KIAA0232: variants seen among roughly 807,000 people sequenced by gnomAD.
The protein encoded by KIAA0232 is KIAA0232.
In KIAA0232, 27 loss-of-function variants were observed where a neutral mutation model predicts 122.0. The ratio of observed to expected loss-of-function variants is 0.22; its 90% CI spans 0.16 to 0.31. The LOEUF (loss-of-function observed/expected upper bound fraction) is 0.31. Ranked by LOEUF, KIAA0232 falls within the 10% of genes least tolerant of loss-of-function variation. The pLI is 1.00. For synonymous variants in KIAA0232, 613 were observed against 587.6 expected (o/e 1.04, Z -0.63); for missense variants, 1,551 against 1,634.2 (o/e 0.95, Z 0.88).
At chr4:6,807,509 T>C (rs898250278) in intron 2 of KIAA0232, among the ~76,000 whole-genome samples, 5 of 152,218 alleles carry the variant, frequency 3.3e-5, no homozygotes, top group Non-Finnish European at 7.3e-5. Flanking sequence ...AAAAGCCTTA[T>C]TCATTTCCTG....
intron 2 of KIAA0232, among the ~76,000 whole-genome samples, chr4:6,819,097 TAAA>T (rs1379134415): frequency 1.3e-5 from 2 of 152,114 alleles, no homozygotes; most frequent in African/African-American, 4.8e-5. Context: ...TATAGATACT[TAAA>T]TGTAAGACCT....
At chr4:6,807,600 G>A (rs1169090243) in intron 2 of KIAA0232, among the ~76,000 whole-genome samples, 1 of 152,174 alleles carries the variant, frequency 6.6e-6, no homozygotes, top group African/African-American at 2.4e-5. Flanking sequence ...GATACCTAGG[G>A]TAAACCGGTT....
intron 4 of KIAA0232, among the ~76,000 whole-genome samples, chr4:6,854,944 C>T (rs1400887320): frequency 6.6e-6 from 1 of 152,074 alleles, no homozygotes; most frequent in Non-Finnish European, 1.5e-5. Context: ...AAAAATTTCT[C>T]ATTAAAACTG....
intron 3 of KIAA0232, among the ~76,000 whole-genome samples, chr4:6,840,121 A>G (rs1432129292): frequency 6.6e-6 from 1 of 152,176 alleles, no homozygotes; most frequent in African/African-American, 2.4e-5. Flanking sequence ...AGAGCTTCCC[A>G]GTGTCATTCA....
At chr4:6,798,531 A>G (rs1179600353) in intron 1 of KIAA0232, among the ~76,000 whole-genome samples, 1 of 152,132 alleles carries the variant, frequency 6.6e-6, no homozygotes, top group Non-Finnish European at 1.5e-5. Flanking sequence ...TGATGCTGAC[A>G]CCAACCCTTT....
intron 3 of KIAA0232, among the ~76,000 whole-genome samples, chr4:6,831,213 G>A (rs571180780): frequency 1.1e-3 from 161 of 151,974 alleles, no homozygotes; most frequent in South Asian, 3.3e-3. Context: ...GCGCCACCAC[G>A]CCCAGCTAAT....
At chr4:6,784,546 C>T (rs1560155421) in intron 1 of KIAA0232, among the ~76,000 whole-genome samples, 2 of 152,300 alleles carry the variant, frequency 1.3e-5, no homozygotes, top group African/African-American at 2.4e-5. Flanking sequence ...ATCTCTATGT[C>T]GCTTCCTTAT....
At chr4:6,833,633 A>C (rs547624148) in intron 3 of KIAA0232, among the ~76,000 whole-genome samples, 1 of 152,106 alleles carries the variant, frequency 6.6e-6, no homozygotes. Context: ...TGCATCTCAA[A>C]AAAAGGAAAA....
rs746614865 is a variant in KIAA0232, at chr4:6,864,084, A to C, written c.3702A>C (p.Ala1234=). ...CAGAAGCAAATTGTAAAATAATGGC[A>C]CAATGCGAGGAAGAAATTAATAATT... ...ESSEANCKIM[A]QCEEEINNFC... Residue 1234 remains alanine (A), a synonymous_variant, in exon 7 of 10, where the codon GCA becomes GCC. Transcript: ENST00000307659. 4 of 1,614,216 alleles carry C rather than the reference A, an allele frequency of 2.5e-6. No homozygotes were observed. The highest frequency in any genetic ancestry group is 3.4e-6 in the Non-Finnish European group (4 of 1,180,032).
Position 6,837,585 on chromosome 4 carries a change from C to A in KIAA0232, c.232-4482C>A, listed in dbSNP as rs533668097. On this transcript the variant is annotated intron_variant, in intron 3 of 9. Coordinates refer to ENST00000307659, the MANE Select transcript of KIAA0232 (RefSeq NM_014743.3). The stretch of plus-strand genomic sequence containing the variant: ...GGCGGCTGGGAGGTGGAGGTTGTAG[C>A]GAGCCGAGATCACGCCACTGCATTC... 2.0e-5 allele frequency among the ~76,000 whole-genome samples: 3 copies of A among 152,266 alleles called. No individual in the cohort carries two copies. The South Asian group carries it at 6.2e-4, about 32-fold the overall frequency.
At chr4:6,860,676 T>G (rs1425750159) in intron 6 of KIAA0232, among the ~76,000 whole-genome samples, 1 of 152,240 alleles carries the variant, frequency 6.6e-6, no homozygotes, top group African/African-American at 2.4e-5. Flanking sequence ...TCAGTAATCT[T>G]ACAGTGCGTA....
intron 2 of KIAA0232, among the ~76,000 whole-genome samples, chr4:6,810,691 A>G (rs1269257537): frequency 6.6e-6 from 1 of 152,208 alleles, no homozygotes; most frequent in Non-Finnish European, 1.5e-5. Flanking sequence ...CTGATAGGGA[A>G]CTGATATCCA....
chr4:6,787,443 C>T (rs373795791), intron 1 of KIAA0232, among the ~76,000 whole-genome samples: 2 of 152,138 alleles, frequency 1.3e-5, no homozygotes, highest in African/African-American at 4.8e-5. Context: ...ATTCCTGTTG[C>T]TTTGTAGTAC....
intron 1 of KIAA0232, among the ~76,000 whole-genome samples, chr4:6,783,802 A>G (rs1347168046): frequency 2.0e-5 from 3 of 152,112 alleles, no homozygotes; most frequent in African/African-American, 7.2e-5. Flanking sequence ...TGCGCGGCAA[A>G]CCCTGTCGCG....
rs1720955104 is a variant in KIAA0232 at position 6,862,884 on chromosome 4, C to T, written c.2502C>T (p.Asp834=). Residue 834 remains aspartate, a synonymous_variant, in exon 7 of 10, where the codon GAC becomes GAT. Transcript: ENST00000307659. Reference sequence around the variant, plus strand: ...AAGACATTTGGACAAAGATGGCAGACACAAATTCTGTGGCTACAGTAGAAA... The same window carrying T: ...AAGACATTTGGACAAAGATGGCAGATACAAATTCTGTGGCTACAGTAGAAA... ...VIKDIWTKMA[D]TNSVATVEIE... is the part of the protein sequence containing the mutation. The T allele has an allele frequency of 1.9e-6, 3 of 1,614,210 alleles. No homozygotes were observed. Among genetic ancestry groups the T allele is most frequent in the East Asian group, 4.5e-5 (2 of 44,892 alleles).
intron 2 of KIAA0232, among the ~76,000 whole-genome samples, chr4:6,823,328 G>C (rs1718510363): frequency 6.6e-6 from 1 of 152,090 alleles, no homozygotes; most frequent in African/African-American, 2.4e-5. Context: ...GGTATTTCTA[G>C]TTCTGGATCC....
chr4:6,837,118 A>G (rs1378000162), intron 3 of KIAA0232, among the ~76,000 whole-genome samples: 13 of 145,618 alleles, frequency 8.9e-5, no homozygotes, highest in Non-Finnish European at 1.7e-4. Context: ...CAGACGGGGC[A>G]GCGGCCGGGC....
chr4:6,832,910 G>A (rs1719068529), intron 3 of KIAA0232, among the ~76,000 whole-genome samples: 1 of 152,164 alleles, frequency 6.6e-6, no homozygotes, highest in South Asian at 2.1e-4. Context: ...CTAGCTCAGA[G>A]TCCATCCTTC....
intron 8 of KIAA0232, among the ~76,000 whole-genome samples, chr4:6,873,058 C>T (rs1303916388): frequency 2.0e-5 from 3 of 152,310 alleles, no homozygotes; most frequent in African/African-American, 7.2e-5. Flanking sequence ...ATTGAAGGCC[C>T]GTTGCTGCTG....
Sources: allele counts gnomAD v4.1 joint callset (sites outside exome capture counted in the v4.1 genomes callset), GRCh38; gene constraint gnomAD v4.1.1; transcripts MANE v1.5; gene names NCBI Gene and HGNC (gene_info 2026-07-23, HGNC 2026-07-21).